DOCK9: variants seen among roughly 807,000 people sequenced by gnomAD.
DOCK9 encodes dedicator of cytokinesis protein 9.
Under a neutral mutation model 263.3 loss-of-function variants are expected in DOCK9, and 89 were observed. The ratio of observed to expected loss-of-function variants is 0.34; its 90% CI spans 0.28 to 0.40. DOCK9 has a LOEUF of 0.40. Among genes scored for constraint, DOCK9 ranks in the 10% least tolerant of loss-of-function variants. DOCK9 has a pLI of 1.00. For missense variants in DOCK9, 2,140 were observed against 2,603.4 expected, an observed-to-expected ratio of 0.82 and a Z score of 3.87; for synonymous variants, 976 against 973.1, an observed-to-expected ratio of 1.00 and a Z score of -0.06.
intron 35 of DOCK9, among the ~76,000 whole-genome samples, chr13:98,852,035 A>C (rs1481655731): frequency 6.6e-6 from 1 of 152,244 alleles, no homozygotes; most frequent in Admixed American, 6.5e-5. Context: ...ACTTGAATTC[A>C]AATGTTCTTG....
intron 1 of DOCK9, among the ~76,000 whole-genome samples, chr13:99,080,574 G>A (rs554744535): frequency 2.0e-5 from 3 of 152,176 alleles, no homozygotes; most frequent in South Asian, 2.1e-4. Flanking sequence ...TGCCCAAGCC[G>A]CTCTGCTCCT....
At position 98,902,274 on chromosome 13, in the gene DOCK9, C is replaced by T; in HGVS notation, c.1380+14G>A. The T allele has an allele frequency of 6.2e-7, 1 of 1,612,066 alleles. No homozygotes were observed. The highest frequency in any genetic ancestry group is 1.3e-5 in the African/African-American group (1 of 75,024). ...GAGTCTGAGTAGTGGGAATGCTGGG[C>T]TCATACTCCCCACCTGCTTCGGATA... On this transcript the variant is annotated intron_variant, in intron 12 of 52. Transcript: ENST00000682017.
In DOCK9 at chr13:98,831,588, G is replaced by A. The variant is rs1594454049; in HGVS notation, c.4453-58C>T. 6 of 1,597,812 alleles carry A rather than the reference G, an allele frequency of 3.8e-6. No homozygotes were observed. The East Asian group carries it at 1.1e-4, about 30-fold the overall frequency. On this transcript the variant is annotated intron_variant, in intron 40 of 52. Coordinates refer to ENST00000682017, the MANE Select transcript of DOCK9 (RefSeq NM_001366683.2). Reference sequence around the variant, plus strand: ...CACAGACAGGTCAGTGCTCGGTAATGTACCCTTCAATTCCGGGGGAAGAAG... The same window carrying A: ...CACAGACAGGTCAGTGCTCGGTAATATACCCTTCAATTCCGGGGGAAGAAG...
chr13:99,037,388 G>C (rs1024616041), intron 1 of DOCK9, among the ~76,000 whole-genome samples: 1 of 151,916 alleles, frequency 6.6e-6, no homozygotes, highest in Non-Finnish European at 1.5e-5. Flanking sequence ...TACTAATCAG[G>C]GATATTAAAT....
intron 6 of DOCK9, 48 bp downstream of exon 6, chr13:98,922,003 G>T: frequency 7.0e-7 from 1 of 1,433,538 alleles, no homozygotes; most frequent in Non-Finnish European, 9.6e-7. Context: ...GAGCTCTATG[G>T]CAGAAAGGGC....
chr13:99,087,145 A>ACCTGGACGGAGCGTC (rs1204549334), upstream of DOCK9, among the ~76,000 whole-genome samples: 1 of 151,468 alleles, frequency 6.6e-6, no homozygotes, highest in East Asian at 2.0e-4. Flanking sequence ...GGCCAGGCGG[A>ACCTGGACGGAGCGTC]CCTGGACGGA....
rs750198875 is a variant in DOCK9 at position 98,829,514 on chromosome 13, G to A, written c.4758C>T (p.Ser1586=). Residue 1586 remains serine (S), a synonymous_variant, in exon 43 of 53, where the codon AGC becomes AGT. Transcript: ENST00000682017. The surrounding 1 kb of genome is among the most constrained non-coding windows in gnomAD (Gnocchi z 4.1). The part of the protein sequence containing the change: ...ANSDRLIKHT[S]FSSDVKDLTK... The stretch of plus-strand genomic sequence containing the variant: ...TTAAGTCCTTCACATCAGAGGAGAA[G>A]CTGGTGTGCTAAAACAAGGGTGGAA... The A allele has an allele frequency of 1.9e-6, 3 of 1,612,412 alleles. No individual in the cohort carries two copies. The East Asian group carries it at 6.7e-5, about 36-fold the overall frequency.
chr13:98,807,929 G>C, intron 47 of DOCK9, 122 bp from the exon 48 acceptor site: 1 of 773,022 alleles, frequency 1.3e-6, no homozygotes, highest in Non-Finnish European at 1.9e-6. Flanking sequence ...TGCTGAAATG[G>C]GCTTTCTGAA....
In DOCK9 at chr13:98,810,178, C is replaced by T. The variant is rs776047454; in HGVS notation, c.5244G>A (p.Arg1748=). Residue 1748 remains arginine (R), a synonymous_variant, in exon 46 of 53, where the codon AGG becomes AGA. Transcript: ENST00000682017. The part of the protein sequence containing the change: ...KLIIPIYEKR[R]DFERLAHLYD... Reference sequence around the variant, plus strand: ...AAAGGCACTCTCATACCTCAAAATCCCTCCGCTTCTCATAAATGGGGATGA... The same window carrying T: ...AAAGGCACTCTCATACCTCAAAATCTCTCCGCTTCTCATAAATGGGGATGA... The T allele has an allele frequency of 1.9e-6, 3 of 1,613,906 alleles. No individual in the cohort carries two copies. In the Admixed American group the frequency reaches 5.0e-5, roughly 27 times the overall value.
At chr13:98,966,481 T>A (rs2141238562) in intron 1 of DOCK9, among the ~76,000 whole-genome samples, 1 of 152,364 alleles carries the variant, frequency 6.6e-6, no homozygotes, top group Admixed American at 6.5e-5. Flanking sequence ...AATAATTCTA[T>A]CTCAAATCTA....
chr13:98,950,248 T>C (rs9517504), intron 2 of DOCK9: 362,224 of 897,736 alleles, frequency 0.4, 73,423 homozygotes, highest in African/African-American at 0.48. Context: ...TTGTCTGAGA[T>C]GCAGCTTGTC....
intron 9 of DOCK9, among the ~76,000 whole-genome samples, chr13:98,911,032 C>G (rs1195506662): frequency 1.3e-5 from 2 of 152,156 alleles, no homozygotes; most frequent in African/African-American, 4.8e-5. Context: ...CATTTTTGCT[C>G]AAGGCTGGGG....
At position 98,888,199 on chromosome 13, in the gene DOCK9, C is replaced by A. The variant is rs777635370; in HGVS notation, c.2002G>T (p.Glu668Ter). 1 of 1,609,724 alleles carries A rather than the reference C, an allele frequency of 6.2e-7. No homozygotes were observed. The highest frequency in any genetic ancestry group is 8.5e-7 in the Non-Finnish European group (1 of 1,177,926). The change falls in exon 18 of 53, where the codon GAA becomes TAA. Residue 668 changes from glutamate (E) to a stop codon, truncating the protein, a stop_gained. Transcript: ENST00000682017. LOFTEE classifies it high-confidence loss of function. ...AKARNIAICI[E>*]FKDSDEEDSQ... ...TCTTCCTCATCTGAATCTTTGAATTCAATGCAAATCGCAATATTTCTAGCC... is the reference window on the plus strand; with the variant it reads ...TCTTCCTCATCTGAATCTTTGAATTAAATGCAAATCGCAATATTTCTAGCC...
intron 2 of DOCK9, among the ~76,000 whole-genome samples, chr13:98,933,984 C>T (rs7998317): frequency 0.64 from 97,703 of 151,656 alleles, 31,990 homozygotes; most frequent in Middle Eastern, 0.77. Context: ...TGCAACCTTG[C>T]CGTTCTGGGC....
rs61968870 is a variant in DOCK9, at chr13:98,972,784, C to T, written c.126+5000G>A. Among the ~76,000 whole-genome samples, 283 of 152,294 alleles carry T rather than the reference C, an allele frequency of 1.9e-3. 1 individual carries two copies. The highest frequency in any genetic ancestry group is 6.3e-3 in the African/African-American group (263 of 41,538). ...GCCTAAGTGTCTAGAAAGGACAGGG[C>T]GGCATTAACACTCACTGTGCCTGAT... is the stretch of plus-strand genomic sequence containing the variant. On this transcript the variant is annotated intron_variant, in intron 1 of 52. Transcript: ENST00000682017.
At chr13:98,800,551 G>C in intron 49 of DOCK9, 73 bp from the exon 50 acceptor site, 1 of 1,512,102 alleles carries the variant, frequency 6.6e-7, no homozygotes, top group East Asian at 2.3e-5. Flanking sequence ...ATTATTATTA[G>C]AAGTGATTAT....
At chr13:98,905,841 G>A (rs2049009532) in intron 9 of DOCK9, among the ~76,000 whole-genome samples, 1 of 151,934 alleles carries the variant, frequency 6.6e-6, no homozygotes. Flanking sequence ...AACCTTTTAG[G>A]TAAGAGAATA....
Position 98,797,255 on chromosome 13 carries a change from T to C in DOCK9, c.6018-2A>G. On this transcript the variant is annotated splice_acceptor_variant, in intron 51 of 52. Transcript: ENST00000682017. LOFTEE classifies it high-confidence loss of function. Reference sequence around the variant, plus strand: ...TGACCGCAAGCTTCCACAAATTGCCTGGAATGGTACAGGCGGGAGAAACAA... The same window carrying C: ...TGACCGCAAGCTTCCACAAATTGCCCGGAATGGTACAGGCGGGAGAAACAA... The C allele has an allele frequency of 6.2e-7, 1 of 1,613,906 alleles. No homozygotes were observed. The highest frequency in any genetic ancestry group is 8.5e-7 in the Non-Finnish European group (1 of 1,179,864).
chr13:98,871,916 C>A (rs76532998), intron 27 of DOCK9: 2,380 of 153,248 alleles, frequency 0.016, 50 homozygotes, highest in Non-Finnish European at 0.02. Flanking sequence ...CCGCTGGCTG[C>A]TCAGCGCCTA....
Sources: gnomAD v4.1 joint callset for allele counts (sites outside exome capture counted in the v4.1 genomes callset) on GRCh38, gnomAD v4.1.1 for gene constraint, Gnocchi (gnomAD v3.1) non-coding constraint, MANE v1.5 for transcripts, NCBI Gene and HGNC (gene_info 2026-07-23, HGNC 2026-07-21) for gene names.